LIFR: variants seen among roughly 807,000 people sequenced by gnomAD.
LIFR encodes the protein LIF receptor subunit alpha.
Under a neutral mutation model 122.2 loss-of-function variants are expected in LIFR, and 84 were observed. The ratio of observed to expected loss-of-function variants is 0.69; its 90% confidence interval spans 0.58 to 0.82. The LOEUF (loss-of-function observed/expected upper bound fraction) is 0.82. Among genes scored for constraint, LIFR ranks in the 40% least tolerant of loss-of-function variants. The pLI is 0.00. For synonymous variants in LIFR, 422 were observed against 434.7 expected (o/e 0.97, Z 0.36); for missense variants, 1,294 against 1,311.6 (o/e 0.99, Z 0.21).
At chr5:38,552,799 TA>T (rs1209578884) in intron 1 of LIFR, among the ~76,000 whole-genome samples, 1 of 152,216 alleles carries the variant, frequency 6.6e-6, no homozygotes. Flanking sequence ...GCTGGAAAAC[TA>T]AAAGACTCCC....
intron 1 of LIFR, among the ~76,000 whole-genome samples, chr5:38,542,768 G>C (rs1747664314): frequency 6.6e-6 from 1 of 152,002 alleles, no homozygotes; most frequent in Non-Finnish European, 1.5e-5. Context: ...TCATCTACCT[G>C]GAATGTCCTT....
chr5:38,562,899 T>G (rs552775381), intron 1 of LIFR, among the ~76,000 whole-genome samples: 1 of 152,316 alleles, frequency 6.6e-6, no homozygotes, highest in Non-Finnish European at 1.5e-5. Flanking sequence ...TCTGAAACAC[T>G]GGGTAGCTGA....
intron 16 of LIFR, among the ~76,000 whole-genome samples, chr5:38,486,572 C>G (rs1055682407): frequency 2.0e-5 from 3 of 152,124 alleles, no homozygotes; most frequent in Non-Finnish European, 4.4e-5. Flanking sequence ...TGCAGGATAA[C>G]AGGTTAAAAA....
rs147212748 is a variant in LIFR at position 38,482,934 on chromosome 5, T to C, written c.2592-267A>G. Among the ~76,000 whole-genome samples the C allele has an allele frequency of 4.1e-4, 63 of 152,308 alleles. No individual in the cohort carries two copies. The East Asian group carries it at 6.4e-3, about 15-fold the overall frequency. ...GAAAATGGAAAGCAAGTAATTAAAA[T>C]TGTGGCTGTGCCATCTAGTCCAAAG... On this transcript the variant is annotated intron_variant, in intron 18 of 19. Transcript: ENST00000453190.
In LIFR at chr5:38,485,996, A is replaced by C; in HGVS notation, c.2336-16T>G. On this transcript the variant is annotated splice_polypyrimidine_tract_variant and intron_variant, in intron 16 of 19. Transcript: ENST00000453190. ...TCAGAACGACCTATTTTTAAAATGAAGTATGTTAGCACTAATCTCTAACCC... is the reference window on the plus strand; with the variant it reads ...TCAGAACGACCTATTTTTAAAATGACGTATGTTAGCACTAATCTCTAACCC... 2 of 1,605,720 alleles carry C rather than the reference A, an allele frequency of 1.2e-6. No homozygotes were observed. Among genetic ancestry groups the C allele is most frequent in the South Asian group, 2.2e-5 (2 of 90,936 alleles).
rs1374353844 is a variant in LIFR at position 38,476,137 on chromosome 5, T to C, written c.*5458A>G. On this transcript the variant is annotated 3_prime_UTR_variant, in exon 20 of 20. Transcript: ENST00000453190. ...TACAAGGAAACACTAGCTTATGATA[T>C]ATTAGACAATTTGGGGAAAAGCATT... is the stretch of plus-strand genomic sequence containing the variant. 5.0e-6 allele frequency: 1 copy of C among 201,758 alleles called. No homozygotes were observed. Among genetic ancestry groups the C allele is most frequent in the African/African-American group, 2.3e-5 (1 of 43,652 alleles). 12.5% of individuals were successfully genotyped at this position (201,758 alleles called of 1,614,324 possible).
chr5:38,488,969 A>T, intron 16 of LIFR, 109 bp downstream of exon 16: 1 of 827,654 alleles, frequency 1.2e-6, no homozygotes, highest in Non-Finnish European at 2.0e-6. Context: ...TCTTTCAGAT[A>T]GTTTTGAAAA....
chr5:38,523,614 A>G (rs1266302034), intron 4 of LIFR, 32 bp from the exon 5 acceptor site: 1 of 1,524,124 alleles, frequency 6.6e-7, no homozygotes, highest in South Asian at 1.1e-5. Flanking sequence ...GAGAAAACTT[A>G]GTAAAATAAG....
rs73079404 is a variant in LIFR, at chr5:38,533,187, T to G, written c.-19-2521A>C. On this transcript the variant is annotated intron_variant, in intron 1 of 19. Transcript: ENST00000453190. ...CACATTCTAAAGGCCAGACAAAATA[T>G]GCTCATGGGCAGTATCCTTCCTGCC... 4.5e-3 allele frequency among the ~76,000 whole-genome samples: 687 copies of G among 152,336 alleles called. 7 individuals are homozygous for G. Among genetic ancestry groups the G allele is most frequent in the African/African-American group, 0.015 (638 of 41,582 alleles).
intron 1 of LIFR, among the ~76,000 whole-genome samples, chr5:38,536,254 T>A (rs1204224042): frequency 6.6e-6 from 1 of 152,146 alleles, no homozygotes; most frequent in Non-Finnish European, 1.5e-5. Flanking sequence ...AGACCCTTCA[T>A]ATCCCAGGGT....
rs1744007900 is a variant in LIFR, at chr5:38,481,853, A to G, written c.3036T>C (p.Thr1012=). 1 of 1,614,160 alleles carries G rather than the reference A, an allele frequency of 6.2e-7. No individual in the cohort carries two copies. The highest frequency in any genetic ancestry group is 8.5e-7 in the Non-Finnish European group (1 of 1,180,024). ...KPQMHLPINS[T]VEDIAAEEDL... ...CCTCTTCTGCAGCTATATCTTCCAC[A>G]GTAGAATTAATGGGGAGGTGCATCT... The change falls in exon 20 of 20, where the codon ACT becomes ACC. Residue 1012 remains threonine, a synonymous_variant. Coordinates refer to ENST00000453190, the MANE Select transcript of LIFR (RefSeq NM_001127671.2).
Position 38,510,481 on chromosome 5 carries a change from G to A in LIFR, c.974C>T (p.Thr325Ile). 3.7e-6 allele frequency: 6 copies of A among 1,613,236 alleles called. No homozygotes were observed. The highest frequency in any genetic ancestry group is 5.1e-6 in the Non-Finnish European group (6 of 1,179,682). The change falls in exon 7 of 20, where the codon ACC (threonine) becomes ATC (isoleucine). Residue 325 changes from threonine to isoleucine, a missense_variant. By Grantham distance (89) the Thr-to-Ile change is moderately conservative (BLOSUM62 -1). Coordinates refer to ENST00000453190, the MANE Select transcript of LIFR (RefSeq NM_001127671.2). Reference sequence around the variant, plus strand: ...ATACTTACATCCAGCAAAAATAACGGTTCCAAATATGTTATCTTCGGTTGT... The same window carrying A: ...ATACTTACATCCAGCAAAAATAACGATTCCAAATATGTTATCTTCGGTTGT... ...VFTTEDNIFG[T>I]VIFAGYPPDT...
At position 38,563,207 on chromosome 5, in the gene LIFR, G is replaced by A. The variant is rs530096849; in HGVS notation, c.-20+32054C>T. On this transcript the variant is annotated intron_variant, in intron 1 of 19. Coordinates refer to the LIFR transcript ENST00000263409. ...TGTTCCCAGGGTCTTGGACTTGAAG[G>A]GCTGACAGAAACCTTTCCACTACCC... is the stretch of plus-strand genomic sequence containing the variant. Among the ~76,000 whole-genome samples the A allele has an allele frequency of 3.3e-5, 5 of 152,252 alleles. No individual in the cohort carries two copies. In the South Asian group the frequency reaches 8.3e-4, roughly 25 times the overall value.
intron 9 of LIFR, among the ~76,000 whole-genome samples, chr5:38,504,918 C>G (rs1745383289): frequency 6.6e-6 from 1 of 152,126 alleles, no homozygotes; most frequent in Non-Finnish European, 1.5e-5. Flanking sequence ...ATGAGACATG[C>G]CTTCGGTTTA....
chr5:38,480,469 A>T lies in LIFR; in HGVS notation c.*1126T>A, dbSNP rs145074110. ...CCCTTGGGTAACTGTTCCTGTAAGAAGCATTCTCTCTTTAGTTTTATATTT... is the reference window on the plus strand; with the variant it reads ...CCCTTGGGTAACTGTTCCTGTAAGATGCATTCTCTCTTTAGTTTTATATTT... On this transcript the variant is annotated 3_prime_UTR_variant, in exon 20 of 20. Coordinates refer to ENST00000453190, the MANE Select transcript of LIFR (RefSeq NM_001127671.2). The T allele has an allele frequency of 6.2e-4, 135 of 216,900 alleles. No homozygotes were observed. Among genetic ancestry groups the T allele is most frequent in the African/African-American group, 2.9e-3 (129 of 44,494 alleles). The allele number at this position is 216,900 out of a possible 1,614,324, so 13.4% of individuals were successfully genotyped here.
In LIFR at chr5:38,536,087, G is replaced by T. The variant is rs113975790; in HGVS notation, c.-19-5421C>A. On this transcript the variant is annotated intron_variant, in intron 1 of 19. Coordinates refer to ENST00000453190, the MANE Select transcript of LIFR (RefSeq NM_001127671.2). ...TGAAGAGAGGGAGGGACTAGTAATT[G>T]CTGGGATAAAACACAAGTACTACCC... Among the ~76,000 whole-genome samples, 66 of 152,286 alleles carry T rather than the reference G, an allele frequency of 4.3e-4. 1 individual carries two copies. The highest frequency in any genetic ancestry group is 1.6e-3 in the African/African-American group (65 of 41,566).
chr5:38,474,800 A>T lies in LIFR; in HGVS notation c.*6795T>A, dbSNP rs1743653420. Among the ~76,000 whole-genome samples, 1 of 152,164 alleles carries T rather than the reference A, an allele frequency of 6.6e-6. No individual in the cohort carries two copies. Among genetic ancestry groups the T allele is most frequent in the South Asian group, 2.1e-4 (1 of 4,828 alleles). ...ATGGATGTTACACCAATGGCACAGCAATGTACTCAAATGTTAAAAATACAT... is the reference window on the plus strand; with the variant it reads ...ATGGATGTTACACCAATGGCACAGCTATGTACTCAAATGTTAAAAATACAT... On this transcript the variant is annotated 3_prime_UTR_variant, in exon 20 of 20. Transcript: ENST00000453190.
At chr5:38,553,208 T>G (rs976344572) in intron 1 of LIFR, among the ~76,000 whole-genome samples, 1 of 152,078 alleles carries the variant, frequency 6.6e-6, no homozygotes, top group South Asian at 2.1e-4. Flanking sequence ...CACTCTTCTT[T>G]CAGATCTCCA....
intron 5 of LIFR, among the ~76,000 whole-genome samples, chr5:38,521,570 G>A (rs1003595671): frequency 1.3e-5 from 2 of 152,298 alleles, no homozygotes; most frequent in Non-Finnish European, 2.9e-5. Context: ...CCCATTGTTA[G>A]TGGGTCCAAG....
Sources: allele counts gnomAD v4.1 joint callset (sites outside exome capture counted in the v4.1 genomes callset), GRCh38; gene constraint gnomAD v4.1.1; transcripts MANE v1.5; gene names NCBI Gene and HGNC (gene_info 2026-07-23, HGNC 2026-07-21).